The following CMSS1 variants were observed in gnomAD, a reference collection of about 807,000 sequenced individuals.
CMSS1 encodes the protein protein CMSS1.
Under a neutral mutation model 43.5 loss-of-function variants are expected in CMSS1, and 33 were observed. That is an observed-to-expected ratio of 0.76 (90% CI 0.57 to 1.01). The LOEUF is 1.01. CMSS1 is among the 50% of genes least tolerant of loss of function. The pLI is 0.00. For missense variants in CMSS1, 313 were observed against 326.4 expected (o/e 0.96, Z 0.32); for synonymous variants, 115 against 117.2 (o/e 0.98, Z 0.12).
intron 3 of CMSS1, 30 bp from the exon 4 acceptor site, chr3:100,162,273 G>A (rs780799298): frequency 2.3e-5 from 36 of 1,595,814 alleles, no homozygotes; most frequent in Middle Eastern, 1.7e-4. Flanking sequence ...AAAATATGTC[G>A]TCCCATTTTT....
intron 1 of CMSS1, among the ~76,000 whole-genome samples, chr3:100,067,022 AGTGTG>A (rs2065677735): frequency 6.6e-6 from 1 of 152,184 alleles, no homozygotes; most frequent in Non-Finnish European, 1.5e-5. Context: ...TCCTCAGTCA[AGTGTG>A]CTTTGTATTC....
At chr3:99,948,870 C>G (rs542632312) in intron 1 of CMSS1, among the ~76,000 whole-genome samples, 2 of 152,186 alleles carry the variant, frequency 1.3e-5, no homozygotes, top group Admixed American at 6.5e-5. Flanking sequence ...TGCCCCACTC[C>G]CTCTCAGCAG....
At chr3:100,071,129 C>T (rs2065756380) in intron 1 of CMSS1, among the ~76,000 whole-genome samples, 1 of 70,704 alleles carries the variant, frequency 1.4e-5, no homozygotes, top group South Asian at 3.9e-4. Context: ...TTAGCATTTC[C>T]AAACTTTCTT....
chr3:100,110,158 G>A (rs951830106), intron 1 of CMSS1: 13 of 152,002 alleles, frequency 8.6e-5, no homozygotes, highest in African/African-American at 2.7e-4. Flanking sequence ...ACTACTAACT[G>A]CACCTGCTTA....
At chr3:99,875,302 G>A (rs111443929) in intron 1 of CMSS1, among the ~76,000 whole-genome samples, 1 of 152,088 alleles carries the variant, frequency 6.6e-6, no homozygotes, top group Admixed American at 6.5e-5. Context: ...ACTAATTATG[G>A]TTTAAAATGT....
chr3:99,932,842 G>C (rs1054872101), intron 1 of CMSS1, among the ~76,000 whole-genome samples: 1 of 152,162 alleles, frequency 6.6e-6, no homozygotes, highest in African/African-American at 2.4e-5. Flanking sequence ...ATTGAGCCAA[G>C]ATCGCGCCCG....
At chr3:100,016,560 A>C (rs982316346) in intron 1 of CMSS1, among the ~76,000 whole-genome samples, 15 of 152,112 alleles carry the variant, frequency 9.9e-5, no homozygotes, top group African/African-American at 3.4e-4. Context: ...CCTTGCTGAA[A>C]CTTCCTCCCT....
chr3:99,898,628 T>C lies in CMSS1; in HGVS notation c.64+80585T>C, dbSNP rs142562829. 1,832 of 191,502 alleles carry C rather than the reference T, an allele frequency of 9.6e-3. 19 individuals are homozygous for C. Among genetic ancestry groups the C allele is most frequent in the African/African-American group, 0.026 (1,082 of 42,182 alleles). The allele number at this position is 191,502 out of a possible 1,614,324, so 11.9% of individuals were successfully genotyped here. ...CAAAAATACAAAAACTAGCTGGGCA[T>C]GATGGCGGGTGCCTGTAATCCCAGC... On this transcript the variant is annotated intron_variant, in intron 1 of 9. Transcript: ENST00000421999.
intron 1 of CMSS1, among the ~76,000 whole-genome samples, chr3:99,983,458 ATGTGTG>A (rs71132503): frequency 0.014 from 219 of 16,148 alleles, 3 homozygotes; most frequent in African/African-American, 0.057. Context: ...ATATATATAT[ATGTGTG>A]TATATATATA....
chr3:99,842,902 C>G (rs1378368357), intron 1 of CMSS1, among the ~76,000 whole-genome samples: 1 of 152,152 alleles, frequency 6.6e-6, no homozygotes, highest in Non-Finnish European at 1.5e-5. Context: ...CGCTAGACTC[C>G]CTCAAGATTC....
chr3:99,877,994 T>TTCA (rs1455202982), intron 1 of CMSS1, among the ~76,000 whole-genome samples: 10 of 152,360 alleles, frequency 6.6e-5, no homozygotes, highest in African/African-American at 1.9e-4. Context: ...TTTTCATTCT[T>TTCA]TTGACTTGCT....
intron 1 of CMSS1, among the ~76,000 whole-genome samples, chr3:99,864,684 G>A (rs1243306967): frequency 4.6e-5 from 7 of 151,922 alleles, no homozygotes; most frequent in Non-Finnish European, 8.8e-5. Context: ...CCCTTCTACT[G>A]TTCTCCTCTT....
chr3:100,111,634 A>G (rs1576076735), intron 1 of CMSS1, among the ~76,000 whole-genome samples: 2 of 152,192 alleles, frequency 1.3e-5, no homozygotes, highest in African/African-American at 4.8e-5. Flanking sequence ...ATCAGATTAA[A>G]CAGAAAATCT....
intron 1 of CMSS1, among the ~76,000 whole-genome samples, chr3:99,842,200 G>A (rs146102945): frequency 1.2e-4 from 19 of 152,262 alleles, no homozygotes; most frequent in African/African-American, 4.3e-4. Context: ...GGATGGAATT[G>A]GAGACTATTG....
intron 1 of CMSS1, among the ~76,000 whole-genome samples, chr3:99,874,793 T>G (rs939310059): frequency 3.3e-5 from 5 of 152,194 alleles, no homozygotes; most frequent in African/African-American, 1.2e-4. Context: ...ATCTGACATT[T>G]TCTTCTGACA....
At chr3:100,055,162 G>T (rs949429846) in intron 1 of CMSS1, among the ~76,000 whole-genome samples, 3 of 152,084 alleles carry the variant, frequency 2.0e-5, no homozygotes, top group African/African-American at 7.2e-5. Context: ...CCCAATTCAG[G>T]TCTCCCAGTT....
intron 1 of CMSS1, among the ~76,000 whole-genome samples, chr3:100,021,958 TGTGAGAGAGAGAGA>T (rs745817879): frequency 0.02 from 1,878 of 94,666 alleles, 21 homozygotes; most frequent in Non-Finnish European, 0.033. Context: ...TGTGTGTGTG[TGTGAGAGAGAGAGA>T]GAGAGAGAGA....
At chr3:99,855,672 A>C (rs1486776905) in intron 1 of CMSS1, among the ~76,000 whole-genome samples, 1 of 152,218 alleles carries the variant, frequency 6.6e-6, no homozygotes, top group Non-Finnish European at 1.5e-5. Flanking sequence ...AACTTAAAAA[A>C]TCTTACTTAA....
chr3:99,833,300 A>T, intron 1 of CMSS1: 2 of 1,548,536 alleles, frequency 1.3e-6, no homozygotes, highest in Non-Finnish European at 1.8e-6. Flanking sequence ...AATTTGTGGA[A>T]TATATTAAAT....
Sources: allele counts gnomAD v4.1 joint callset (sites outside exome capture counted in the v4.1 genomes callset), GRCh38; gene constraint gnomAD v4.1.1; transcripts MANE v1.5; gene names NCBI Gene and HGNC (gene_info 2026-07-23, HGNC 2026-07-21).